The following ZC3H8 variants were observed in gnomAD, a reference collection of about 807,000 sequenced individuals.
ZC3H8 encodes the protein zinc finger CCCH-type containing 8.
ZC3H8 carries 27 observed loss-of-function variants against 42.5 expected under a neutral mutation model. The observed-to-expected ratio is 0.64, with a 90% CI of 0.47 to 0.88. ZC3H8 has a LOEUF of 0.88. Among genes scored for constraint, ZC3H8 ranks in the 40% least tolerant of loss-of-function variants. The pLI is 0.00. For synonymous variants in ZC3H8, 101 were observed against 110.1 expected, an observed-to-expected ratio of 0.92 and a Z score of 0.52; for missense variants, 277 against 336.1, an observed-to-expected ratio of 0.82 and a Z score of 1.37.
rs185529501 is a variant in ZC3H8 at position 112,245,087 on chromosome 2, T to A, written c.156+5104A>T. The stretch of plus-strand genomic sequence containing the variant: ...CTTGTGAATGCAAAGGGAAGGTTCC[T>A]GAAGGAAAGTAAAAGTGCTACTCCA... On this transcript the variant is annotated intron_variant, in intron 2 of 8. Coordinates refer to ENST00000409573, the MANE Select transcript of ZC3H8 (RefSeq NM_032494.3). Among the ~76,000 whole-genome samples, 648 of 152,346 alleles carry A rather than the reference T, an allele frequency of 4.3e-3. 19 individuals are homozygous for A. The highest frequency in any genetic ancestry group is 8.5e-4 in the Non-Finnish European group (58 of 68,038).
intron 8 of ZC3H8, among the ~76,000 whole-genome samples, chr2:112,220,827 C>G (rs1456867941): frequency 6.6e-6 from 1 of 152,062 alleles, no homozygotes; most frequent in Non-Finnish European, 1.5e-5. Flanking sequence ...ATCTCAAAAA[C>G]AAACAAAAAA....
chr2:112,229,357 ACT>A (rs1684993751), intron 8 of ZC3H8, among the ~76,000 whole-genome samples: 2 of 152,076 alleles, frequency 1.3e-5, no homozygotes, highest in African/African-American at 4.8e-5. Context: ...TTACAGTTAT[ACT>A]CTTTTTTCAT....
intron 1 of ZC3H8, among the ~76,000 whole-genome samples, chr2:112,253,002 C>T (rs1413846463): frequency 5.9e-5 from 9 of 152,066 alleles, no homozygotes; most frequent in Admixed American, 4.6e-4. Flanking sequence ...GGCGTGGTGG[C>T]AGGCGCCTGT....
In ZC3H8 at chr2:112,252,164, C is replaced by G. The variant is rs891851412; in HGVS notation, c.75-1892G>C. Among the ~76,000 whole-genome samples the G allele has an allele frequency of 2.0e-5, 3 of 152,198 alleles. No individual in the cohort carries two copies. In the South Asian group the frequency reaches 6.2e-4, roughly 31 times the overall value. ...CCAAACCCCTCTTCTTAAATCCAAA[C>G]AGAGCTAACTTCCTAGTCAACATAA... On this transcript the variant is annotated intron_variant, in intron 1 of 8. Transcript: ENST00000409573.
rs1684320049 is a variant in ZC3H8, at chr2:112,216,367, G to C, written c.*117C>G. The C allele has an allele frequency of 1.3e-5, 2 of 152,334 alleles. No homozygotes were observed. The highest frequency in any genetic ancestry group is 4.1e-4 in the South Asian group (2 of 4,830). 9.4% of individuals were successfully genotyped at this position (152,334 alleles called of 1,614,324 possible). ...CACATCACCCCAGTCACACAAGAGG[G>C]CACTCTGAATGAGGAATCTTGTAAA... On this transcript the variant is annotated 3_prime_UTR_variant, in exon 9 of 9. Transcript: ENST00000409573.
chr2:112,237,800 C>T (rs1685405564), intron 3 of ZC3H8, among the ~76,000 whole-genome samples: 1 of 152,112 alleles, frequency 6.6e-6, no homozygotes, highest in South Asian at 2.1e-4. Context: ...CTCCTGACCT[C>T]AAGTGATCCA....
At chr2:112,253,638 A>G (rs181576548) in intron 1 of ZC3H8, among the ~76,000 whole-genome samples, 1 of 152,296 alleles carries the variant, frequency 6.6e-6, no homozygotes, top group Admixed American at 6.5e-5. Flanking sequence ...ACCATCCTTC[A>G]CCCATCATTT....
rs1480940820 is a variant in ZC3H8, at chr2:112,233,245, T to C, written c.733+15A>G. 1 of 1,422,258 alleles carries C rather than the reference T, an allele frequency of 7.0e-7. No homozygotes were observed. Among genetic ancestry groups the C allele is most frequent in the Non-Finnish European group, 9.6e-7 (1 of 1,037,184 alleles). The allele number at this position is 1,422,258 out of a possible 1,614,324, so 88.1% of individuals were successfully genotyped here. On this transcript the variant is annotated intron_variant, in intron 6 of 8. Coordinates refer to ENST00000409573, the MANE Select transcript of ZC3H8 (RefSeq NM_032494.3). Reference sequence around the variant, plus strand: ...AAATATTTATAAAGTCACCATATCTTGTGATAAAGGATATTATGCAAATAC... The same window carrying C: ...AAATATTTATAAAGTCACCATATCTCGTGATAAAGGATATTATGCAAATAC...
rs1490983281 is a variant in ZC3H8 at position 112,231,021 on chromosome 2, A to G, written c.844-71T>C. The G allele has an allele frequency of 8.4e-6, 8 of 953,028 alleles. No individual in the cohort carries two copies. The East Asian group carries it at 4.3e-4, about 52-fold the overall frequency. 59.0% of individuals were successfully genotyped at this position (953,028 alleles called of 1,614,324 possible). ...GTAATTCAGGTATACTGTCATATTC[A>G]TAACTTTCAAATGATTCCAATCAAA... On this transcript the variant is annotated intron_variant, in intron 7 of 8. Coordinates refer to ENST00000409573, the MANE Select transcript of ZC3H8 (RefSeq NM_032494.3).
At chr2:112,250,151 T>A (rs934427869) in intron 2 of ZC3H8, 40 bp downstream of exon 2, 4 of 1,443,566 alleles carry the variant, frequency 2.8e-6, no homozygotes, top group Non-Finnish European at 3.7e-6. Flanking sequence ...GAAAAAAAAA[T>A]CTGCGTTTTC....
rs551745177 is a variant in ZC3H8, at chr2:112,220,310, G to A, written c.*16-3842C>T. Among the ~76,000 whole-genome samples, 61 of 152,230 alleles carry A rather than the reference G, an allele frequency of 4.0e-4. No homozygotes were observed. The South Asian group carries it at 0.011, about 27-fold the overall frequency. On this transcript the variant is annotated intron_variant, in intron 8 of 8. Transcript: ENST00000409573. ...TAATGGTCTTTACTTCCCATATTTC[G>A]CACTCCCTTCAGGACCTCTTGTAAG...
chr2:112,233,420 G>C, intron 5 of ZC3H8, 49 bp from the exon 6 acceptor site: 1 of 1,236,596 alleles, frequency 8.1e-7, no homozygotes, highest in Non-Finnish European at 1.1e-6. Context: ...TCATAGTCAA[G>C]TCATTATGAT....
At chr2:112,227,241 G>A (rs1684879503) in intron 8 of ZC3H8, among the ~76,000 whole-genome samples, 1 of 152,188 alleles carries the variant, frequency 6.6e-6, no homozygotes, top group Non-Finnish European at 1.5e-5. Flanking sequence ...AAAGGAAGAG[G>A]CAGCTGGGCG....
At chr2:112,232,823 T>G (rs1345058692) in intron 6 of ZC3H8, among the ~76,000 whole-genome samples, 1 of 152,252 alleles carries the variant, frequency 6.6e-6, no homozygotes, top group Non-Finnish European at 1.5e-5. Context: ...CTGTGCCATT[T>G]GCACTGAAGA....
chr2:112,241,087 A>C (rs923009725), intron 2 of ZC3H8, among the ~76,000 whole-genome samples: 2 of 151,922 alleles, frequency 1.3e-5, no homozygotes, highest in African/African-American at 4.8e-5. Flanking sequence ...TGATAGACAA[A>C]AAGGAAGTTA....
At chr2:112,238,651 G>A (rs1685452201) in intron 2 of ZC3H8, 123 bp from the exon 3 acceptor site, 1 of 692,458 alleles carries the variant, frequency 1.4e-6, no homozygotes, top group Admixed American at 3.1e-5. Context: ...AGGTACATGG[G>A]ATTCATATAC....
rs763834482 is a variant in ZC3H8, at chr2:112,254,993, G to T, written c.-12C>A. 6.3e-7 allele frequency: 1 copy of T among 1,599,984 alleles called. No homozygotes were observed. The highest frequency in any genetic ancestry group is 8.5e-7 in the Non-Finnish European group (1 of 1,174,264). Reference sequence around the variant, plus strand: ...TTCTCAAAATCCATGACCCAGACAGGTCCTCCCTTTCGCGAGCCGGGAAGC... The same window carrying T: ...TTCTCAAAATCCATGACCCAGACAGTTCCTCCCTTTCGCGAGCCGGGAAGC... On this transcript the variant is annotated 5_prime_UTR_variant, in exon 1 of 9. Coordinates refer to ENST00000409573, the MANE Select transcript of ZC3H8 (RefSeq NM_032494.3).
intron 6 of ZC3H8, among the ~76,000 whole-genome samples, chr2:112,232,408 A>T (rs1685136468): frequency 6.6e-6 from 1 of 152,132 alleles, no homozygotes; most frequent in Non-Finnish European, 1.5e-5. Context: ...AATACATTTA[A>T]AAATCTAATT....
chr2:112,249,882 G>C (rs542069144), intron 2 of ZC3H8, among the ~76,000 whole-genome samples: 1 of 152,260 alleles, frequency 6.6e-6, no homozygotes, highest in East Asian at 1.9e-4. Flanking sequence ...AACCCAACTT[G>C]AAAGAAGCTT....
Sources: allele counts gnomAD v4.1 joint callset (sites outside exome capture counted in the v4.1 genomes callset), GRCh38; gene constraint gnomAD v4.1.1; transcripts MANE v1.5; gene names NCBI Gene and HGNC (gene_info 2026-07-23, HGNC 2026-07-21).